NUDT4: variants seen among roughly 807,000 people sequenced by gnomAD.
The protein encoded by NUDT4 is diphosphoinositol polyphosphate phosphohydrolase 2.
Under a neutral mutation model 23.1 loss-of-function variants are expected in NUDT4, and 5 were observed. That is an observed-to-expected ratio of 0.22 (90% CI 0.11 to 0.46). NUDT4 has a LOEUF of 0.46. NUDT4 is among the 20% of genes least tolerant of loss of function. The pLI, the probability that NUDT4 is intolerant of heterozygous loss-of-function variation, is 0.99. For synonymous variants in NUDT4, 50 were observed against 79.0 expected, an observed-to-expected ratio of 0.63 and a Z score of 1.95; for missense variants, 96 against 211.6, an observed-to-expected ratio of 0.45 and a Z score of 3.39.
chr12:93,381,988 G>GCACC (rs1875693385), intron 1 of NUDT4, among the ~76,000 whole-genome samples: 1 of 152,212 alleles, frequency 6.6e-6, no homozygotes, highest in South Asian at 2.1e-4. Flanking sequence ...CCAGGCAGGT[G>GCACC]GCTCATGCCT....
At chr12:93,383,218 TATCTACCAATCCCATATAA>T (rs1875818672) in intron 1 of NUDT4, among the ~76,000 whole-genome samples, 1 of 152,174 alleles carries the variant, frequency 6.6e-6, no homozygotes, top group Non-Finnish European at 1.5e-5. Context: ...TGATAATACT[TATCTACCAATCCCATATAA>T]GTTGGAGCTA....
chr12:93,392,254 C>CT lies in NUDT4; in HGVS notation c.100-2345dup, dbSNP rs1175905948. Among the ~76,000 whole-genome samples, 106 of 104,658 alleles carry CT rather than the reference C, an allele frequency of 1.0e-3. 1 individual carries two copies. The highest frequency in any genetic ancestry group is 8.9e-3 in the South Asian group (26 of 2,930). 68.7% of individuals were successfully genotyped at this position (104,658 alleles called of 152,430 possible). ...AATATTCCTTTGTTTCCCCCCCCCC[C>CT]TTTTTTTTTTCCTTTTTTTGAGACA... On this transcript the variant is annotated intron_variant, in intron 1 of 4. Coordinates refer to ENST00000415493, the MANE Select transcript of NUDT4 (RefSeq NM_019094.6).
intron 1 of NUDT4, among the ~76,000 whole-genome samples, chr12:93,380,459 G>A (rs981334930): frequency 5.9e-5 from 9 of 152,172 alleles, no homozygotes; most frequent in African/African-American, 2.2e-4. Flanking sequence ...CATTAGGTAA[G>A]GTGAAGTAGG....
intron 1 of NUDT4, among the ~76,000 whole-genome samples, chr12:93,393,143 G>A (rs886680614): frequency 8.5e-5 from 11 of 129,736 alleles, no homozygotes; most frequent in Admixed American, 5.7e-4. Context: ...TGCCCAGGCT[G>A]GAGTGCAGTG....
chr12:93,387,187 C>G (rs1308054207), intron 1 of NUDT4, among the ~76,000 whole-genome samples: 1 of 152,160 alleles, frequency 6.6e-6, no homozygotes, highest in African/African-American at 2.4e-5. Context: ...CTGCCTCGGC[C>G]TCCCAAAGTG....
chr12:93,393,490 C>G (rs1398993164), intron 1 of NUDT4, among the ~76,000 whole-genome samples: 2 of 152,198 alleles, frequency 1.3e-5, no homozygotes, highest in Non-Finnish European at 2.9e-5. Flanking sequence ...TTGAGGGCCA[C>G]ACAGTCTCTG....
At position 93,404,053 on chromosome 12, in the gene NUDT4, ACT is replaced by A. The variant is rs888842904; in HGVS notation, c.*4678_*4679del. The A allele has an allele frequency of 8.6e-5, 13 of 152,014 alleles. No homozygotes were observed. Among genetic ancestry groups the A allele is most frequent in the African/African-American group, 2.7e-4 (11 of 41,434 alleles). 9.4% of individuals were successfully genotyped at this position (152,014 alleles called of 1,614,324 possible). A position where few individuals can be genotyped will look rare whatever the true frequency, so the allele number is the denominator to read the frequency against. ...AACATCTCCCAATATGTAGACTCCC[ACT>A]CTCCTGATGCTAATCAGTATCAGAC... On this transcript the variant is annotated 3_prime_UTR_variant, in exon 5 of 5. Coordinates refer to ENST00000415493, the MANE Select transcript of NUDT4 (RefSeq NM_019094.6).
At chr12:93,396,007 CTG>C (rs1342651913) in intron 3 of NUDT4, among the ~76,000 whole-genome samples, 6 of 152,260 alleles carry the variant, frequency 3.9e-5, no homozygotes, top group Admixed American at 6.5e-5. Flanking sequence ...GCGTGAGCCA[CTG>C]TGCCCGGCTG....
At chr12:93,391,489 C>T (rs910975669) in intron 1 of NUDT4, among the ~76,000 whole-genome samples, 11 of 151,658 alleles carry the variant, frequency 7.3e-5, no homozygotes, top group East Asian at 1.9e-4. Flanking sequence ...CACTTGAACC[C>T]GGGAGGCAGA....
At chr12:93,392,550 C>T (rs1475528456) in intron 1 of NUDT4, among the ~76,000 whole-genome samples, 2 of 150,974 alleles carry the variant, frequency 1.3e-5, no homozygotes, top group East Asian at 2.0e-4. Context: ...AGCCACTGCG[C>T]CCGGCCAGAT....
In NUDT4 at chr12:93,407,903, TACCAAA is replaced by T. The variant is rs1417977801; in HGVS notation, c.*8527_*8532del. The T allele has an allele frequency of 1.3e-5, 2 of 152,316 alleles. No homozygotes were observed. Among genetic ancestry groups the T allele is most frequent in the Admixed American group, 6.5e-5 (1 of 15,286 alleles). 9.4% of individuals were successfully genotyped at this position (152,316 alleles called of 1,614,324 possible). A position where few individuals can be genotyped will look rare whatever the true frequency, so the allele number is the denominator to read the frequency against. On this transcript the variant is annotated 3_prime_UTR_variant, in exon 5 of 5. Transcript: ENST00000415493. ...TCTTAGCAAAGTAATGGGGGAGTCT[TACCAAA>T]ACTGCAAAGGAAAAAAATATGATAC...
intron 1 of NUDT4, among the ~76,000 whole-genome samples, chr12:93,391,165 C>A (rs889337885): frequency 3.3e-5 from 5 of 152,132 alleles, no homozygotes; most frequent in Non-Finnish European, 7.3e-5. Flanking sequence ...TCAGTCATGG[C>A]TCTTGCCTGT....
In NUDT4 at chr12:93,407,641, CA is replaced by C. The variant is rs1028030879; in HGVS notation, c.*8266del. 1 of 152,318 alleles carries C rather than the reference CA, an allele frequency of 6.6e-6. No homozygotes were observed. The highest frequency in any genetic ancestry group is 2.1e-4 in the South Asian group (1 of 4,822). The allele number at this position is 152,318 out of a possible 1,614,324, so 9.4% of individuals were successfully genotyped here. ...ACTGTTGCCAGATCTTCAGATCATT[CA>C]AAAGTTACCCGAATTCTGGATTTTC... On this transcript the variant is annotated 3_prime_UTR_variant, in exon 5 of 5. Transcript: ENST00000415493.
intron 1 of NUDT4, among the ~76,000 whole-genome samples, chr12:93,390,623 T>A (rs1876427880): frequency 6.6e-6 from 1 of 152,098 alleles, no homozygotes; most frequent in African/African-American, 2.4e-5. Flanking sequence ...CTCCCTTTTT[T>A]TGAGACAGTC....
intron 1 of NUDT4, among the ~76,000 whole-genome samples, chr12:93,387,079 G>C (rs1462055468): frequency 1.3e-5 from 2 of 152,024 alleles, no homozygotes; most frequent in Non-Finnish European, 2.9e-5. Context: ...TTACAGGCGT[G>C]CACCACCATG....
At position 93,402,802 on chromosome 12, in the gene NUDT4, A is replaced by T. The variant is rs1877559869; in HGVS notation, c.*3423A>T. On this transcript the variant is annotated 3_prime_UTR_variant, in exon 5 of 5. Transcript: ENST00000415493. ...TACTTTCTGCACTAGTATCACTTTTATTATTGCAGTTCCATTTAAAAGCAT... is the reference window on the plus strand; with the variant it reads ...TACTTTCTGCACTAGTATCACTTTTTTTATTGCAGTTCCATTTAAAAGCAT... 1 of 152,016 alleles carries T rather than the reference A, an allele frequency of 6.6e-6. No homozygotes were observed. Among genetic ancestry groups the T allele is most frequent in the Non-Finnish European group, 1.5e-5 (1 of 68,026 alleles). The allele number at this position is 152,016 out of a possible 1,614,324, so 9.4% of individuals were successfully genotyped here.
rs1877728542 is a variant in NUDT4 at position 93,405,052 on chromosome 12, A to G, written c.*5673A>G. 1 of 151,764 alleles carries G rather than the reference A, an allele frequency of 6.6e-6. No individual in the cohort carries two copies. Among genetic ancestry groups the G allele is most frequent in the African/African-American group, 2.4e-5 (1 of 41,160 alleles). 9.4% of individuals were successfully genotyped at this position (151,764 alleles called of 1,614,324 possible). On this transcript the variant is annotated 3_prime_UTR_variant, in exon 5 of 5. Transcript: ENST00000415493. ...ATATTTACTGTTTTAGGAGAAAAAA[A>G]CAACATGAATTGTAATAACTTGGAC...
chr12:93,404,058 C>T lies in NUDT4; in HGVS notation c.*4679C>T, dbSNP rs1465039500. 1.3e-5 allele frequency: 2 copies of T among 152,230 alleles called. No homozygotes were observed. The highest frequency in any genetic ancestry group is 2.1e-4 in the South Asian group (1 of 4,836). 9.4% of individuals were successfully genotyped at this position (152,230 alleles called of 1,614,324 possible). On this transcript the variant is annotated 3_prime_UTR_variant, in exon 5 of 5. Coordinates refer to ENST00000415493, the MANE Select transcript of NUDT4 (RefSeq NM_019094.6). ...CTCCCAATATGTAGACTCCCACTCT[C>T]CTGATGCTAATCAGTATCAGACAAT...
chr12:93,402,111 A>G lies in NUDT4; in HGVS notation c.*2732A>G, dbSNP rs1464464174. The G allele has an allele frequency of 2.0e-5, 3 of 150,914 alleles. No homozygotes were observed. The highest frequency in any genetic ancestry group is 4.4e-5 in the Non-Finnish European group (3 of 67,716). The allele number at this position is 150,914 out of a possible 1,614,324, so 9.3% of individuals were successfully genotyped here. A position where few individuals can be genotyped will look rare whatever the true frequency, so the allele number is the denominator to read the frequency against. On this transcript the variant is annotated 3_prime_UTR_variant, in exon 5 of 5. Transcript: ENST00000415493. ...GACATTTTCTGACCAGGCACATGCCATCCAATTTTCTGTCAATCACACTGT... is the reference window on the plus strand; with the variant it reads ...GACATTTTCTGACCAGGCACATGCCGTCCAATTTTCTGTCAATCACACTGT...
Sources: gnomAD v4.1 joint callset for allele counts (sites outside exome capture counted in the v4.1 genomes callset) on GRCh38, gnomAD v4.1.1 for gene constraint, MANE v1.5 for transcripts, NCBI Gene and HGNC (gene_info 2026-07-23, HGNC 2026-07-21) for gene names.